The following TRIB1 variants were observed in gnomAD, a reference collection of about 807,000 sequenced individuals.
TRIB1 encodes tribbles homolog 1.
TRIB1 carries 12 observed loss-of-function variants against 27.8 expected under a neutral mutation model. That is an observed-to-expected ratio of 0.43 (90% CI 0.28 to 0.70). TRIB1 has a LOEUF of 0.70. Ranked by LOEUF, TRIB1 falls within the 30% of genes least tolerant of loss-of-function variation. TRIB1 has a pLI of 0.18. For synonymous variants in TRIB1, 230 were observed against 224.9 expected, an observed-to-expected ratio of 1.02 and a Z score of -0.20; for missense variants, 475 against 515.8, an observed-to-expected ratio of 0.92 and a Z score of 0.77.
chr8:125,432,402 G>A (rs1177549020), intron 1 of TRIB1: 6 of 688,710 alleles, frequency 8.7e-6, no homozygotes, highest in Non-Finnish European at 1.1e-5. Context: ...TGGTGCCAGA[G>A]CAGCCAGGCC....
chr8:125,431,828 C>T (rs1814662056), intron 1 of TRIB1, among the ~76,000 whole-genome samples: 1 of 152,248 alleles, frequency 6.6e-6, no homozygotes, highest in Non-Finnish European at 1.5e-5. Context: ...GTCCCAGAGT[C>T]ATCCACCCGA....
Position 125,437,331 on chromosome 8 carries a change from A to G in TRIB1, c.*860A>G, listed in dbSNP as rs1318142701. ...TACCCTTTACTTTTTCCCCAAGACC[A>G]TCTCAGGGTGGAGCATTCTGTCTAA... is the stretch of plus-strand genomic sequence containing the variant. On this transcript the variant is annotated 3_prime_UTR_variant, in exon 3 of 3. Coordinates refer to ENST00000311922, the MANE Select transcript of TRIB1 (RefSeq NM_025195.4). 4 of 152,342 alleles carry G rather than the reference A, an allele frequency of 2.6e-5. No homozygotes were observed. Among genetic ancestry groups the G allele is most frequent in the Non-Finnish European group, 1.5e-5 (1 of 68,032 alleles). The allele number at this position is 152,342 out of a possible 1,614,324, so 9.4% of individuals were successfully genotyped here. A position where few individuals can be genotyped will look rare whatever the true frequency, so the allele number is the denominator to read the frequency against.
Position 125,436,341 on chromosome 8 carries a change from C to G in TRIB1, c.989C>G (p.Pro330Arg). The G allele has an allele frequency of 6.2e-7, 1 of 1,614,060 alleles. No homozygotes were observed. Among genetic ancestry groups the G allele is most frequent in the Non-Finnish European group, 8.5e-7 (1 of 1,180,026 alleles). The change falls in exon 3 of 3, where the codon CCC becomes CGC. Residue 330 changes from proline (P) to arginine (R), a missense_variant. Transcript: ENST00000311922. ...GAGCCCTCCGAGAGACTCACTGCCC[C>G]CGAGATCCTACTGCACCCCTGGTTT... ...RREPSERLTA[P>R]EILLHPWFES...
Position 125,430,870 on chromosome 8 carries a change from TA to T in TRIB1, c.-28del. On this transcript the variant is annotated 5_prime_UTR_variant, in exon 1 of 3. Transcript: ENST00000311922. ...GTCTTCCCGCGCGGATCCCGGGACT[TA>T]AAAAGCCGGGGCCACCCCGGCCCAG... 1 of 1,379,672 alleles carries T rather than the reference TA, an allele frequency of 7.2e-7. No homozygotes were observed. 85.5% of individuals were successfully genotyped at this position (1,379,672 alleles called of 1,614,324 possible).
Position 125,433,470 on chromosome 8 carries a change from C to T in TRIB1, c.514C>T (p.Arg172Ter). The T allele has an allele frequency of 6.2e-7, 1 of 1,614,218 alleles. No homozygotes were observed. The change falls in exon 2 of 3, where the codon CGA becomes TGA. Residue 172 changes from arginine (R) to a stop codon, truncating the protein, a stop_gained. Coordinates refer to ENST00000311922, the MANE Select transcript of TRIB1 (RefSeq NM_025195.4). LOFTEE classifies it high-confidence loss of function. The surrounding 1 kb of genome is among the most constrained non-coding windows in gnomAD (Gnocchi z 4.4). ...KDFGDMHSYV[R>*]SRKRLREEEA... Reference sequence around the variant, plus strand: ...CTTTGGGGACATGCACTCCTATGTGCGAAGCCGGAAGAGGCTGCGGGAAGA... The same window carrying T: ...CTTTGGGGACATGCACTCCTATGTGTGAAGCCGGAAGAGGCTGCGGGAAGA...
chr8:125,435,140 G>C (rs1427031170), intron 2 of TRIB1, among the ~76,000 whole-genome samples: 1 of 152,018 alleles, frequency 6.6e-6, no homozygotes, highest in African/African-American at 2.4e-5. Flanking sequence ...GAATAAGGAG[G>C]CACCTGCAGC....
chr8:125,432,125 C>T (rs1427824496), intron 1 of TRIB1: 20 of 433,334 alleles, frequency 4.6e-5, no homozygotes, highest in Non-Finnish European at 6.2e-5. Context: ...AGGATCACCC[C>T]CCAGTTAAGT....
chr8:125,430,792 A>G lies in TRIB1; in HGVS notation c.-111A>G. 2.3e-6 allele frequency: 3 copies of G among 1,312,296 alleles called. No homozygotes were observed. The highest frequency in any genetic ancestry group is 2.9e-6 in the Non-Finnish European group (3 of 1,027,432). The allele number at this position is 1,312,296 out of a possible 1,614,324, so 81.3% of individuals were successfully genotyped here. A position where few individuals can be genotyped will look rare whatever the true frequency, so the allele number is the denominator to read the frequency against. ...GGGGCCGAGCCAAGACCAGTCTGCA[A>G]ACTCCATCCCGCCGGCTGGAAGAAG... On this transcript the variant is annotated 5_prime_UTR_variant, in exon 1 of 3. Coordinates refer to ENST00000311922, the MANE Select transcript of TRIB1 (RefSeq NM_025195.4).
chr8:125,430,670 G>A lies in TRIB1; in HGVS notation c.-233G>A. ...GGGAGCCCTTGCCTGCGGGGGTCCG[G>A]GGACTCGAGCCGGCCTCCGCCTCCC... On this transcript the variant is annotated 5_prime_UTR_variant, in exon 1 of 3. Transcript: ENST00000311922. 2.3e-6 allele frequency: 1 copy of A among 443,648 alleles called. No individual in the cohort carries two copies. The highest frequency in any genetic ancestry group is 5.8e-5 in the South Asian group (1 of 17,284). The allele number at this position is 443,648 out of a possible 1,614,324, so 27.5% of individuals were successfully genotyped here. A position where few individuals can be genotyped will look rare whatever the true frequency, so the allele number is the denominator to read the frequency against.
At chr8:125,435,347 C>G (rs1481361100) in intron 2 of TRIB1, among the ~76,000 whole-genome samples, 1 of 152,162 alleles carries the variant, frequency 6.6e-6, no homozygotes, top group Non-Finnish European at 1.5e-5. Context: ...ACCTCTCTGT[C>G]CAGGCAAAGT....
In TRIB1 at chr8:125,436,438, G is replaced by A. The variant is rs764074112; in HGVS notation, c.1086G>A (p.Gln362=). The A allele has an allele frequency of 6.2e-7, 1 of 1,613,964 alleles. No homozygotes were observed. The highest frequency in any genetic ancestry group is 1.1e-5 in the South Asian group (1 of 91,070). Residue 362 remains glutamine, a synonymous_variant, in exon 3 of 3, where the codon CAG becomes CAA. Transcript: ENST00000311922. The part of the protein sequence containing the change: ...GTSDQIVPEY[Q]EDSDISSFFC ...CAGACCAGATTGTTCCAGAGTACCA[G>A]GAGGACAGTGACATTAGTTCCTTCT...
In TRIB1 at chr8:125,433,804, G is replaced by C; in HGVS notation, c.653+195G>C. ...TCTGCATTCTCTTGGACGGGGCCTG[G>C]GGACACCGTGGCGCTTCTATGGGAT... On this transcript the variant is annotated intron_variant, in intron 2 of 2. Coordinates refer to ENST00000311922, the MANE Select transcript of TRIB1 (RefSeq NM_025195.4). This position sits in a 1 kb window ranked among gnomAD's most constrained non-coding sequence, Gnocchi z 4.4. 1.6e-6 allele frequency: 1 copy of C among 616,406 alleles called. No individual in the cohort carries two copies. Among genetic ancestry groups the C allele is most frequent in the Non-Finnish European group, 2.8e-6 (1 of 360,868 alleles). The allele number at this position is 616,406 out of a possible 1,614,324, so 38.2% of individuals were successfully genotyped here.
rs1029329669 is a variant in TRIB1, at chr8:125,437,839, T to C, written c.*1368T>C. On this transcript the variant is annotated 3_prime_UTR_variant, in exon 3 of 3. Coordinates refer to ENST00000311922, the MANE Select transcript of TRIB1 (RefSeq NM_025195.4). The stretch of plus-strand genomic sequence containing the variant: ...TTAAAAAACAAATTCAGATGAAATA[T>C]CAGTAACTGTCTTGGACAGTGCTGA... 9 of 152,750 alleles carry C rather than the reference T, an allele frequency of 5.9e-5. No individual in the cohort carries two copies. Among genetic ancestry groups the C allele is most frequent in the African/African-American group, 2.2e-4 (9 of 41,452 alleles). The allele number at this position is 152,750 out of a possible 1,614,324, so 9.5% of individuals were successfully genotyped here.
Position 125,433,163 on chromosome 8 carries a change from C to T in TRIB1, c.361-154C>T, listed in dbSNP as rs1814688371. On this transcript the variant is annotated intron_variant, in intron 1 of 2. Coordinates refer to ENST00000311922, the MANE Select transcript of TRIB1 (RefSeq NM_025195.4). This position sits in a 1 kb window ranked among gnomAD's most constrained non-coding sequence, Gnocchi z 4.4. ...AAGGTGTCAGGGGCAGCTGGGGCTGCGTAAGGTAAGGTGGCAGAGGAAAGG... is the reference window on the plus strand; with the variant it reads ...AAGGTGTCAGGGGCAGCTGGGGCTGTGTAAGGTAAGGTGGCAGAGGAAAGG... The T allele has an allele frequency of 6.3e-6, 5 of 795,774 alleles. No homozygotes were observed. In the Admixed American group the frequency reaches 7.0e-5, roughly 11 times the overall value. 49.3% of individuals were successfully genotyped at this position (795,774 alleles called of 1,614,324 possible). A position where few individuals can be genotyped will look rare whatever the true frequency, so the allele number is the denominator to read the frequency against.
At chr8:125,431,318 A>G in intron 1 of TRIB1, 56 bp downstream of exon 1, 1 of 1,250,176 alleles carries the variant, frequency 8.0e-7, no homozygotes, top group Non-Finnish European at 1.0e-6. Context: ...ACGGGGTGGT[A>G]GGCAAAGGTG....
Position 125,436,431 on chromosome 8 carries a change from A to T in TRIB1, c.1079A>T (p.Glu360Val). The change falls in exon 3 of 3, where the codon GAG becomes GTG. Residue 360 changes from glutamate (E) to valine (V), a missense_variant. By Grantham distance (121) the Glu-to-Val change is moderately radical (BLOSUM62 -2). Transcript: ENST00000311922. ...EIGTSDQIVP[E>V]YQEDSDISSF... ...GGAACTTCAGACCAGATTGTTCCAG[A>T]GTACCAGGAGGACAGTGACATTAGT... The T allele has an allele frequency of 6.2e-7, 1 of 1,614,104 alleles. No homozygotes were observed. Among genetic ancestry groups the T allele is most frequent in the Admixed American group, 1.7e-5 (1 of 60,006 alleles).
In TRIB1 at chr8:125,434,924, CA is replaced by C. The variant is rs1222092193; in HGVS notation, c.654-1081del. Among the ~76,000 whole-genome samples, 5 of 119,762 alleles carry C rather than the reference CA, an allele frequency of 4.2e-5. No homozygotes were observed. The Admixed American group carries it at 4.4e-4, about 11-fold the overall frequency. 78.6% of individuals were successfully genotyped at this position (119,762 alleles called of 152,430 possible). A position where few individuals can be genotyped will look rare whatever the true frequency, so the allele number is the denominator to read the frequency against. ...TACTACACTCCAGGGAACAGGAAGG[CA>C]GAAAAAAAAAAAAACAGACCTTTGA... On this transcript the variant is annotated intron_variant, in intron 2 of 2. Transcript: ENST00000311922.
Position 125,433,253 on chromosome 8 carries a change from C to T in TRIB1, c.361-64C>T. On this transcript the variant is annotated intron_variant, in intron 1 of 2. Coordinates refer to ENST00000311922, the MANE Select transcript of TRIB1 (RefSeq NM_025195.4). This position sits in a 1 kb window ranked among gnomAD's most constrained non-coding sequence, Gnocchi z 4.4. ...GTTGAGAACTTCTGTTCAGCTCCCTCAGGGGTTTGGGAGGCTGCCTTTGCT... is the reference window on the plus strand; with the variant it reads ...GTTGAGAACTTCTGTTCAGCTCCCTTAGGGGTTTGGGAGGCTGCCTTTGCT... The T allele has an allele frequency of 6.5e-7, 1 of 1,533,526 alleles. No individual in the cohort carries two copies. The highest frequency in any genetic ancestry group is 8.9e-7 in the Non-Finnish European group (1 of 1,123,126). 95.0% of individuals were successfully genotyped at this position (1,533,526 alleles called of 1,614,324 possible).
At chr8:125,434,089 G>T (rs1201628028) in intron 2 of TRIB1, among the ~76,000 whole-genome samples, 1 of 152,160 alleles carries the variant, frequency 6.6e-6, no homozygotes, top group Non-Finnish European at 1.5e-5. Context: ...TCCCAGTCCA[G>T]GTTCTCTGTA....
Sources: gnomAD v4.1 joint callset for allele counts (sites outside exome capture counted in the v4.1 genomes callset) on GRCh38, gnomAD v4.1.1 for gene constraint, Gnocchi (gnomAD v3.1) non-coding constraint, MANE v1.5 for transcripts, NCBI Gene and HGNC (gene_info 2026-07-23, HGNC 2026-07-21) for gene names.